Variants in ITPKB observed in about 807,000 individuals in gnomAD.
The protein encoded by ITPKB is inositol-trisphosphate 3-kinase B.
In ITPKB, 13 loss-of-function variants were observed where a neutral mutation model predicts 69.4. The ratio of observed to expected loss-of-function variants is 0.19; its 90% CI spans 0.12 to 0.30. The LOEUF is 0.30. Ranked by LOEUF, ITPKB falls within the 10% of genes least tolerant of loss-of-function variation. The pLI is 1.00. For missense variants in ITPKB, 1,240 were observed against 1,250.5 expected, an observed-to-expected ratio of 0.99 and a Z score of 0.13; for synonymous variants, 584 against 513.7, an observed-to-expected ratio of 1.14 and a Z score of -1.85.
At chr1:226,688,526 C>G (rs2102778960) in intron 2 of ITPKB, among the ~76,000 whole-genome samples, 1 of 152,340 alleles carries the variant, frequency 6.6e-6, no homozygotes, top group African/African-American at 2.4e-5. Flanking sequence ...TGCAAAGCAA[C>G]TCTTGACAGC....
intron 2 of ITPKB, among the ~76,000 whole-genome samples, chr1:226,686,217 C>T (rs1656213806): frequency 6.6e-6 from 1 of 152,196 alleles, no homozygotes; most frequent in African/African-American, 2.4e-5. Context: ...GGGCAAATCA[C>T]AGAAGCATCT....
At position 226,711,897 on chromosome 1, in the gene ITPKB, G is replaced by A. The variant is rs538366397; in HGVS notation, c.1932+23630C>T. Among the ~76,000 whole-genome samples the A allele has an allele frequency of 2.6e-5, 4 of 152,288 alleles. No homozygotes were observed. In the South Asian group the frequency reaches 8.3e-4, roughly 32 times the overall value. ...TGTTGGTCCCCAGCTCAGCTAGTGGGAAGCTCACTAGGGTGAGGTTGGGCA... is the reference window on the plus strand; with the variant it reads ...TGTTGGTCCCCAGCTCAGCTAGTGGAAAGCTCACTAGGGTGAGGTTGGGCA... On this transcript the variant is annotated intron_variant, in intron 2 of 7. Transcript: ENST00000429204.
chr1:226,729,460 T>G (rs1657523279), intron 2 of ITPKB, among the ~76,000 whole-genome samples: 1 of 124,612 alleles, frequency 8.0e-6, no homozygotes, highest in African/African-American at 3.1e-5. Context: ...CCAGCCTGGG[T>G]GACAGAGCGA....
chr1:226,721,891 G>C (rs1438293836), intron 2 of ITPKB, among the ~76,000 whole-genome samples: 1 of 150,128 alleles, frequency 6.7e-6, no homozygotes, highest in African/African-American at 2.5e-5. Context: ...TGGGCTCATT[G>C]CAACTCCCGC....
Position 226,737,174 on chromosome 1 carries a change from A to ACTGCCGCTG in ITPKB, c.276_284dup (p.Gly94_Ser96dup), listed in dbSNP as rs147889095. On this transcript the variant is annotated inframe_insertion, in exon 2 of 8. Transcript: ENST00000429204. Reference sequence around the variant, plus strand: ...CAGCCCAACTTGGGCTGCTCACGCTACTGCCGCTGCTGCCGCTGCCACTGC... The same window carrying ACTGCCGCTG: ...CAGCCCAACTTGGGCTGCTCACGCTACTGCCGCTGCTGCCGCTGCTGCCGCTGCCACTGC... 1.9e-6 allele frequency: 3 copies of ACTGCCGCTG among 1,591,128 alleles called. No homozygotes were observed. The highest frequency in any genetic ancestry group is 2.6e-6 in the Non-Finnish European group (3 of 1,176,340).
intron 2 of ITPKB, among the ~76,000 whole-genome samples, chr1:226,720,545 G>A (rs1657210403): frequency 1.3e-5 from 2 of 152,196 alleles, no homozygotes; most frequent in South Asian, 2.1e-4. Flanking sequence ...TCTCTAAAAG[G>A]AGGAAAATAA....
At position 226,713,021 on chromosome 1, in the gene ITPKB, G is replaced by A. The variant is rs540776710; in HGVS notation, c.1932+22506C>T. ...TACACCCATACATGCATGCATGCAC[G>A]TAAACACACACTGCACACTTACCCA... On this transcript the variant is annotated intron_variant, in intron 2 of 7. Transcript: ENST00000429204. Among the ~76,000 whole-genome samples, 101 of 152,070 alleles carry A rather than the reference G, an allele frequency of 6.6e-4. 1 individual carries two copies. The highest frequency in any genetic ancestry group is 2.1e-3 in the African/African-American group (87 of 41,482).
intron 2 of ITPKB, among the ~76,000 whole-genome samples, chr1:226,686,824 A>G (rs1230010811): frequency 3.9e-5 from 6 of 152,258 alleles, no homozygotes. Context: ...TGCACATGCC[A>G]CTGTGCCCTG....
chr1:226,647,427 T>G, intron 3 of ITPKB, 47 bp from the exon 4 acceptor site: 1 of 1,431,996 alleles, frequency 7.0e-7, no homozygotes, highest in South Asian at 1.2e-5. Context: ...TGCAGGTAGC[T>G]GGCAGAGGCA....
rs1657770526 is a variant in ITPKB at position 226,736,506 on chromosome 1, G to A, written c.953C>T (p.Pro318Leu). 1 of 1,614,028 alleles carries A rather than the reference G, an allele frequency of 6.2e-7. No homozygotes were observed. Among genetic ancestry groups the A allele is most frequent in the Non-Finnish European group, 8.5e-7 (1 of 1,180,038 alleles). ...CGGCTCAGTGAGGGCAAGATCCTGT[G>A]GACGGTGTGGCCCAGTGGATGTAAC... ...ARVTSTGPHR[P>L]QDLALTEPSG... is the part of the protein sequence containing the mutation. Residue 318 changes from proline to leucine, a missense_variant, in exon 2 of 8, where the codon CCA becomes CTA. Coordinates refer to ENST00000429204, the MANE Select transcript of ITPKB (RefSeq NM_002221.4).
intron 2 of ITPKB, among the ~76,000 whole-genome samples, chr1:226,732,092 T>C (rs1156845971): frequency 1.3e-5 from 1 of 76,146 alleles, no homozygotes; most frequent in Non-Finnish European, 2.7e-5. Context: ...ACAACAAAAC[T>C]AGTCAACATC....
chr1:226,694,016 A>C (rs1230899570), intron 2 of ITPKB, among the ~76,000 whole-genome samples: 1 of 152,232 alleles, frequency 6.6e-6, no homozygotes, highest in Non-Finnish European at 1.5e-5. Context: ...TATTTGCCTA[A>C]CATTTTGCCA....
At chr1:226,707,753 A>G (rs575019545) in intron 2 of ITPKB, 16 of 1,050,824 alleles carry the variant, frequency 1.5e-5, no homozygotes, top group East Asian at 2.0e-4. Flanking sequence ...ACAAAATCCA[A>G]TGGTCGTAGG....
intron 2 of ITPKB, among the ~76,000 whole-genome samples, chr1:226,712,992 T>G (rs752314532): frequency 1.3e-5 from 2 of 151,176 alleles, no homozygotes; most frequent in Non-Finnish European, 3.0e-5. Context: ...CACACCCACA[T>G]ATCTACACCC....
chr1:226,638,971 C>T (rs963884322), intron 6 of ITPKB, among the ~76,000 whole-genome samples: 1 of 151,886 alleles, frequency 6.6e-6, no homozygotes, highest in Non-Finnish European at 1.5e-5. Flanking sequence ...ACAAGCACAT[C>T]GCCTTCTTCT....
chr1:226,680,220 C>T (rs2102773152), intron 2 of ITPKB, among the ~76,000 whole-genome samples: 1 of 152,352 alleles, frequency 6.6e-6, no homozygotes. Flanking sequence ...CCCACCTCCC[C>T]AGCCTTTCCA....
intron 2 of ITPKB, among the ~76,000 whole-genome samples, chr1:226,694,616 A>G (rs1656433938): frequency 6.6e-6 from 1 of 152,232 alleles, no homozygotes; most frequent in Non-Finnish European, 1.5e-5. Flanking sequence ...AAAGAAACTC[A>G]GGCTTAGCCA....
intron 3 of ITPKB, 44 bp downstream of exon 3, chr1:226,648,628 G>A (rs531152236): frequency 8.1e-7 from 1 of 1,233,540 alleles, no homozygotes; most frequent in East Asian, 2.3e-5. Flanking sequence ...CCTCCCCAGA[G>A]GGCTGAGCAC....
chr1:226,640,641 G>A (rs1361827061), intron 5 of ITPKB, among the ~76,000 whole-genome samples: 1 of 152,204 alleles, frequency 6.6e-6, no homozygotes, highest in Non-Finnish European at 1.5e-5. Flanking sequence ...TGCTCGAGAG[G>A]GAGAGGTGAA....
Sources: allele counts gnomAD v4.1 joint callset (sites outside exome capture counted in the v4.1 genomes callset), GRCh38; gene constraint gnomAD v4.1.1; transcripts MANE v1.5; gene names NCBI Gene and HGNC (gene_info 2026-07-23, HGNC 2026-07-21).